KLF8: variants seen among roughly 807,000 people sequenced by gnomAD.
KLF8 encodes Krueppel-like factor 8.
A neutral mutation model predicts 18.2 loss-of-function variants in KLF8; 10 were observed. The ratio of observed to expected loss-of-function variants is 0.55; its 90% confidence interval spans 0.34 to 0.93. KLF8 has a LOEUF of 0.93. KLF8 is among the 40% of genes least tolerant of loss of function. The pLI is 0.02. For synonymous variants in KLF8, 109 were observed against 97.3 expected, an observed-to-expected ratio of 1.12 and a Z score of -0.71; for missense variants, 264 against 277.9, an observed-to-expected ratio of 0.95 and a Z score of 0.36.
At chrX:56,026,950 C>T in the KLF8 span, among the ~76,000 whole-genome samples, 1 of 112,808 alleles carries the variant, frequency 8.9e-6, no homozygotes, top group African/African-American at 3.2e-5. Flanking sequence ...TCTTGCTTTG[C>T]ATTGTGCTGT....
chrX:56,085,442 G>A, the KLF8 span, among the ~76,000 whole-genome samples: 2 of 112,210 alleles, frequency 1.8e-5, no homozygotes, highest in African/African-American at 6.5e-5. Flanking sequence ...AAGACAGAAT[G>A]TTCATATTTC....
chrX:56,082,931 C>G, the KLF8 span, among the ~76,000 whole-genome samples: 2 of 112,052 alleles, frequency 1.8e-5, no homozygotes, highest in Non-Finnish European at 1.9e-5. Flanking sequence ...TTATATGTGA[C>G]AGGTCACATT....
the KLF8 span, among the ~76,000 whole-genome samples, chrX:56,119,930 C>A: frequency 9.2e-6 from 1 of 108,662 alleles, no homozygotes; most frequent in Admixed American, 1.0e-4. Context: ...ATTTGGAAGT[C>A]CACGTAGTTG....
At chrX:56,188,248 C>A in the KLF8 span, among the ~76,000 whole-genome samples, 29 of 111,350 alleles carry the variant, frequency 2.6e-4, no homozygotes, top group Non-Finnish European at 4.9e-4. Flanking sequence ...ACAGCCAAAT[C>A]ATGAGTGAAC....
chrX:56,172,098 T>C, the KLF8 span, among the ~76,000 whole-genome samples: 4 of 111,263 alleles, frequency 3.6e-5, no homozygotes, highest in African/African-American at 6.5e-5. Flanking sequence ...TGTTTTGGTT[T>C]TGATTTGCAT....
At chrX:55,926,110 G>A in the KLF8 span, among the ~76,000 whole-genome samples, 3 of 111,922 alleles carry the variant, frequency 2.7e-5, no homozygotes, top group East Asian at 8.4e-4. Context: ...GTCATGATGT[G>A]TAACCTCTGA....
At chrX:56,183,872 T>G in the KLF8 span, among the ~76,000 whole-genome samples, 163 of 111,154 alleles carry the variant, frequency 1.5e-3, no homozygotes, top group African/African-American at 5.2e-3. Flanking sequence ...GGATAAAAAA[T>G]CAGGACCCGG....
At chrX:56,015,393 C>T in the KLF8 span, among the ~76,000 whole-genome samples, 8 of 111,684 alleles carry the variant, frequency 7.2e-5, no homozygotes, top group African/African-American at 2.3e-4. Context: ...TATTGTTTTC[C>T]AACTTGATGG....
the KLF8 span, among the ~76,000 whole-genome samples, chrX:56,040,707 T>TG: frequency 1.0e-3 from 111 of 108,114 alleles, no homozygotes; most frequent in African/African-American, 3.5e-3. Flanking sequence ...TTCCAGGTTT[T>TG]GTTATCAGGA....
At chrX:56,045,414 A>T in the KLF8 span, among the ~76,000 whole-genome samples, 2 of 110,268 alleles carry the variant, frequency 1.8e-5, no homozygotes, top group Admixed American at 9.7e-5. Flanking sequence ...TTATGGAATT[A>T]TTTTTTCTAG....
the KLF8 span, among the ~76,000 whole-genome samples, chrX:56,109,410 AG>A: frequency 9.1e-6 from 1 of 109,917 alleles, no homozygotes; most frequent in Non-Finnish European, 1.9e-5. Flanking sequence ...AAAAAAAAAA[AG>A]ATCGATTCTA....
the KLF8 span, among the ~76,000 whole-genome samples, chrX:56,082,509 C>CTT: frequency 4.0e-5 from 4 of 99,684 alleles, no homozygotes; most frequent in South Asian, 1.8e-3. Context: ...TGGATTTAGT[C>CTT]TTTTTTTTTT....
At chrX:56,087,692 A>G in the KLF8 span, among the ~76,000 whole-genome samples, 2 of 111,876 alleles carry the variant, frequency 1.8e-5, no homozygotes, top group African/African-American at 6.5e-5. Context: ...TTATTTGGAG[A>G]TAATGGAGCT....
the KLF8 span, among the ~76,000 whole-genome samples, chrX:56,198,723 G>C: frequency 8.9e-6 from 1 of 111,787 alleles, no homozygotes; most frequent in South Asian, 3.7e-4. Flanking sequence ...TTTCTTCACA[G>C]AATTGGAAAA....
At chrX:56,224,606 G>C in the KLF8 span, among the ~76,000 whole-genome samples, 1 of 110,982 alleles carries the variant, frequency 9.0e-6, no homozygotes, top group Admixed American at 9.6e-5. Flanking sequence ...CATGTGTGTC[G>C]GTCTAATAAA....
the KLF8 span, among the ~76,000 whole-genome samples, chrX:56,014,496 C>A: frequency 8.9e-6 from 1 of 111,979 alleles, no homozygotes; most frequent in East Asian, 2.8e-4. Context: ...GGCAAGACTG[C>A]GGAGAAGAAG....
the KLF8 span, among the ~76,000 whole-genome samples, chrX:56,086,419 G>A: frequency 9.0e-6 from 1 of 110,572 alleles, no homozygotes; most frequent in African/African-American, 3.3e-5. Context: ...AAAAGAGCAA[G>A]GTTCTATAAA....
At chrX:56,039,008 T>A in the KLF8 span, among the ~76,000 whole-genome samples, 6 of 112,209 alleles carry the variant, frequency 5.3e-5, no homozygotes, top group South Asian at 3.7e-4. Context: ...CATTTATGTC[T>A]TCTTTTGAGA....
At chrX:56,066,518 C>T in the KLF8 span, among the ~76,000 whole-genome samples, 2 of 111,977 alleles carry the variant, frequency 1.8e-5, no homozygotes, top group Non-Finnish European at 3.8e-5. Flanking sequence ...ACTAGGCATG[C>T]AGCTGGGGAG....
Sources: allele counts gnomAD v4.1 joint callset (sites outside exome capture counted in the v4.1 genomes callset), GRCh38; gene constraint gnomAD v4.1.1; transcripts MANE v1.5; gene names NCBI Gene and HGNC (gene_info 2026-07-23, HGNC 2026-07-21).